The following PRKN variants were observed in gnomAD, a reference collection of about 807,000 sequenced individuals.
PRKN encodes the protein parkin RBR E3 ubiquitin protein ligase, also known as E3 ubiquitin-protein ligase parkin.
PRKN carries 56 observed loss-of-function variants against 59.5 expected under a neutral mutation model. The ratio of observed to expected loss-of-function variants is 0.94; its 90% confidence interval spans 0.76 to 1.18. PRKN has a LOEUF of 1.18. Among genes scored for constraint, PRKN ranks in the 50% most tolerant of loss-of-function variants. The pLI is 0.00. For missense variants in PRKN, 657 were observed against 596.4 expected (o/e 1.10, Z -1.06); for synonymous variants, 250 against 222.1 (o/e 1.13, Z -1.12).
At chr6:161,769,764 A>C (rs1789585739) in intron 7 of PRKN, among the ~76,000 whole-genome samples, 1 of 152,042 alleles carries the variant, frequency 6.6e-6, no homozygotes, top group African/African-American at 2.4e-5. Context: ...GACCATGGAG[A>C]TATGGACCAG....
chr6:162,531,407 T>C (rs1025617616), intron 1 of PRKN, among the ~76,000 whole-genome samples: 1 of 152,142 alleles, frequency 6.6e-6, no homozygotes, highest in African/African-American at 2.4e-5. Flanking sequence ...ACCTGAGTTT[T>C]ATAATTACTC....
chr6:161,676,167 A>G (rs139821053), intron 7 of PRKN, among the ~76,000 whole-genome samples: 1 of 152,224 alleles, frequency 6.6e-6, no homozygotes, highest in Non-Finnish European at 1.5e-5. Flanking sequence ...ACTGTGGGCC[A>G]TGAAGGAGAG....
chr6:162,584,148 G>A (rs1189373045), intron 1 of PRKN, among the ~76,000 whole-genome samples: 1 of 150,452 alleles, frequency 6.6e-6, no homozygotes, highest in Non-Finnish European at 1.5e-5. Context: ...AGGAGGCGGA[G>A]CTTGCAGTAA....
In PRKN at chr6:161,372,823, CTA is replaced by C. The variant is rs1562402400; in HGVS notation, c.1168-12620_1168-12619del. On this transcript the variant is annotated intron_variant, in intron 10 of 11. Coordinates refer to ENST00000366898, the MANE Select transcript of PRKN (RefSeq NM_004562.3). The surrounding 1 kb of genome is among the most constrained non-coding windows in gnomAD (Gnocchi z 4.2). Reference sequence around the variant, plus strand: ...TGTGGTCAACAAAGACAGAGAGACCCTATTTTTTTTTTTTTTTTTTTTTTGAG... The same window carrying C: ...TGTGGTCAACAAAGACAGAGAGACCCTTTTTTTTTTTTTTTTTTTTTTGAG... 6.9e-6 allele frequency among the ~76,000 whole-genome samples: 1 copy of C among 144,378 alleles called. No individual in the cohort carries two copies. 94.7% of individuals were successfully genotyped at this position (144,378 alleles called of 152,430 possible). A position where few individuals can be genotyped will look rare whatever the true frequency, so the allele number is the denominator to read the frequency against.
intron 7 of PRKN, among the ~76,000 whole-genome samples, chr6:161,607,916 G>T (rs1204987896): frequency 6.6e-6 from 1 of 152,184 alleles, no homozygotes; most frequent in Non-Finnish European, 1.5e-5. Context: ...AATCAGAATG[G>T]CCTTGGACTT....
chr6:162,334,424 G>A (rs141458997), intron 2 of PRKN, among the ~76,000 whole-genome samples: 2 of 152,272 alleles, frequency 1.3e-5, no homozygotes, highest in African/African-American at 4.8e-5. Context: ...GGCCCATCAT[G>A]CTGAAATTTC....
At chr6:161,787,353 G>A (rs1426269927) in intron 6 of PRKN, among the ~76,000 whole-genome samples, 1 of 152,106 alleles carries the variant, frequency 6.6e-6, no homozygotes, top group Non-Finnish European at 1.5e-5. Flanking sequence ...CTAAAGGTGC[G>A]GCTTCTCCTT....
At chr6:162,022,795 T>TTA (rs1783258662) in intron 5 of PRKN, among the ~76,000 whole-genome samples, 1 of 152,158 alleles carries the variant, frequency 6.6e-6, no homozygotes, top group Non-Finnish European at 1.5e-5. Context: ...ATCAGTGCCT[T>TTA]ACACATAAGT....
chr6:161,866,123 G>A (rs536059914), intron 6 of PRKN, among the ~76,000 whole-genome samples: 6 of 152,272 alleles, frequency 3.9e-5, no homozygotes, highest in Admixed American at 1.3e-4. Context: ...GCGGTCACTG[G>A]AGCAGTTGGA....
At chr6:161,669,735 A>C (rs1267653161) in intron 7 of PRKN, among the ~76,000 whole-genome samples, 1 of 152,288 alleles carries the variant, frequency 6.6e-6, no homozygotes, top group Non-Finnish European at 1.5e-5. Flanking sequence ...TGGTAACAAC[A>C]GCTGACTGTG....
chr6:161,865,933 C>A (rs1185323748), intron 6 of PRKN, among the ~76,000 whole-genome samples: 2 of 152,212 alleles, frequency 1.3e-5, no homozygotes, highest in African/African-American at 4.8e-5. Flanking sequence ...CAGCTTTCAA[C>A]GTCTTCCTCA....
intron 3 of PRKN, 129 bp downstream of exon 3, chr6:162,262,396 T>C (rs1779926789): frequency 2.9e-6 from 3 of 1,042,696 alleles, no homozygotes; most frequent in Non-Finnish European, 4.5e-6. Context: ...TGTCTCCTTG[T>C]AGTGAATTAG....
rs575157983 is a variant in PRKN at position 161,682,558 on chromosome 6, G to A, written c.871+103214C>T. Among the ~76,000 whole-genome samples, 1,059 of 152,142 alleles carry A rather than the reference G, an allele frequency of 7.0e-3. 20 individuals are homozygous for A. Among genetic ancestry groups the A allele is most frequent in the Non-Finnish European group, 9.1e-3 (622 of 68,012 alleles). ...GCCTCCTGTGGAGGGGCTGCGGGGA[G>A]CAGGCTCTTGAGGGTAGAGTGCAAG... On this transcript the variant is annotated intron_variant, in intron 7 of 11. Coordinates refer to ENST00000366898, the MANE Select transcript of PRKN (RefSeq NM_004562.3).
In PRKN at chr6:162,351,198, A is replaced by G. The variant is rs568610605; in HGVS notation, c.172-88433T>C. 8.5e-5 allele frequency among the ~76,000 whole-genome samples: 13 copies of G among 152,268 alleles called. No homozygotes were observed. In the South Asian group the frequency reaches 2.7e-3, roughly 32 times the overall value. Reference sequence around the variant, plus strand: ...AGAGCGAGTCTACGTTTCCAAAAATAAAAATAAAAAATAAAACAACCCAAT... The same window carrying G: ...AGAGCGAGTCTACGTTTCCAAAAATGAAAATAAAAAATAAAACAACCCAAT... On this transcript the variant is annotated intron_variant, in intron 2 of 11. Transcript: ENST00000366898.
At chr6:162,246,199 A>G (rs1325325331) in intron 3 of PRKN, among the ~76,000 whole-genome samples, 1 of 152,088 alleles carries the variant, frequency 6.6e-6, no homozygotes, top group Non-Finnish European at 1.5e-5. Flanking sequence ...ACTGTATTTG[A>G]TTAATTATAA....
intron 1 of PRKN, among the ~76,000 whole-genome samples, chr6:162,468,123 TTGCCTC>T (rs1461636817): frequency 3.9e-5 from 6 of 152,200 alleles, no homozygotes; most frequent in African/African-American, 1.4e-4. Flanking sequence ...GACAGGGACT[TTGCCTC>T]TGTATATTCA....
intron 7 of PRKN, among the ~76,000 whole-genome samples, chr6:161,661,056 T>C (rs1784525923): frequency 6.6e-6 from 1 of 152,190 alleles, no homozygotes; most frequent in Non-Finnish European, 1.5e-5. Context: ...GCACGCCCAC[T>C]GCTGGTGGAA....
intron 9 of PRKN, among the ~76,000 whole-genome samples, chr6:161,532,645 C>T (rs1391675098): frequency 3.3e-5 from 5 of 152,066 alleles, no homozygotes; most frequent in East Asian, 1.9e-4. Flanking sequence ...GAGGAAAAAA[C>T]ATCCTTGCTA....
intron 4 of PRKN, among the ~76,000 whole-genome samples, chr6:162,175,005 CT>C (rs1783466467): frequency 6.6e-6 from 1 of 152,206 alleles, no homozygotes. Context: ...TTTCCCCACC[CT>C]GTGAGGCTCT....
Sources: gnomAD v4.1 joint callset for allele counts (sites outside exome capture counted in the v4.1 genomes callset) on GRCh38, gnomAD v4.1.1 for gene constraint, Gnocchi (gnomAD v3.1) non-coding constraint, MANE v1.5 for transcripts, NCBI Gene and HGNC (gene_info 2026-07-23, HGNC 2026-07-21) for gene names.